The following SMARCB1 variants were observed in gnomAD, a reference collection of about 807,000 sequenced individuals.
The protein encoded by SMARCB1 is SWI/SNF related BAF chromatin remodeling complex subunit B1.
Under a neutral mutation model 49.0 loss-of-function variants are expected in SMARCB1, and 5 were observed. That is an observed-to-expected ratio of 0.10 (90% CI 0.05 to 0.21). The LOEUF is 0.21. SMARCB1 is among the 10% of genes least tolerant of loss of function. SMARCB1 has a pLI of 1.00. For missense variants in SMARCB1, 226 were observed against 509.2 expected, an observed-to-expected ratio of 0.44 and a Z score of 5.35; for synonymous variants, 201 against 200.1, an observed-to-expected ratio of 1.00 and a Z score of -0.04.
intron 5 of SMARCB1, among the ~76,000 whole-genome samples, chr22:23,813,750 T>C (rs8136993): frequency 0.13 from 19,043 of 152,066 alleles, 1,280 homozygotes; most frequent in South Asian, 0.28. Flanking sequence ...CCCAGCAAGA[T>C]TTTTTTTGTA....
intron 5 of SMARCB1, among the ~76,000 whole-genome samples, chr22:23,811,527 C>G (rs73881831): frequency 0.023 from 3,435 of 152,240 alleles, 94 homozygotes; most frequent in African/African-American, 0.063. Flanking sequence ...GAATTGAAAC[C>G]ATACAGAGTG....
intron 7 of SMARCB1, among the ~76,000 whole-genome samples, chr22:23,827,451 G>A (rs2030442130): frequency 6.6e-6 from 1 of 152,210 alleles, no homozygotes; most frequent in African/African-American, 2.4e-5. Flanking sequence ...CCCCTGGGGA[G>A]TCCCTGGTGG....
At chr22:23,825,006 G>A (rs1285632507) in intron 6 of SMARCB1, 4 of 602,028 alleles carry the variant, frequency 6.6e-6, no homozygotes, top group Non-Finnish European at 1.2e-5. Flanking sequence ...TCCCGAGGGT[G>A]ACTGTGCTGG....
chr22:23,837,476 T>G lies in SMARCB1; in HGVS notation c.*3296T>G. ...AGTAGATCCGTCCTGACGATGCAAA[T>G]TATGTGGGCCGGCTGGCTTGAGGGG... On this transcript the variant is annotated 3_prime_UTR_variant, in exon 9 of 9. Coordinates refer to ENST00000644036, the MANE Select transcript of SMARCB1 (RefSeq NM_003073.5). 1.4e-6 allele frequency: 1 copy of G among 692,564 alleles called. No homozygotes were observed. Among genetic ancestry groups the G allele is most frequent in the Non-Finnish European group, 2.4e-6 (1 of 418,140 alleles). The allele number at this position is 692,564 out of a possible 1,614,324, so 42.9% of individuals were successfully genotyped here. A position where few individuals can be genotyped will look rare whatever the true frequency, so the allele number is the denominator to read the frequency against.
chr22:23,787,004 T>TGCGGCGGCG lies in SMARCB1; in HGVS notation c.-157_-149dup, dbSNP rs1003107265. The TGCGGCGGCG allele has an allele frequency of 1.8e-5, 9 of 502,772 alleles. No individual in the cohort carries two copies. The highest frequency in any genetic ancestry group is 2.6e-5 in the South Asian group (1 of 37,886). 31.1% of individuals were successfully genotyped at this position (502,772 alleles called of 1,614,324 possible). On this transcript the variant is annotated 5_prime_UTR_variant, in exon 1 of 9. Coordinates refer to ENST00000644036, the MANE Select transcript of SMARCB1 (RefSeq NM_003073.5). ...CACTGAGGGCGGCCTGGTCGTCGTC[T>TGCGGCGGCG]GCGGCGGCGGCGGCGGCTGAGGAGC...
At chr22:23,812,325 A>C (rs1043258211) in intron 5 of SMARCB1, among the ~76,000 whole-genome samples, 1 of 152,178 alleles carries the variant, frequency 6.6e-6, no homozygotes, top group Non-Finnish European at 1.5e-5. Flanking sequence ...ATTTTAAAAA[A>C]GGAAAACAAT....
rs777812186 is a variant in SMARCB1 at position 23,837,833 on chromosome 22, G to A, written c.*3653G>A. 1.1e-5 allele frequency: 17 copies of A among 1,613,030 alleles called. No individual in the cohort carries two copies. Among genetic ancestry groups the A allele is most frequent in the Non-Finnish European group, 1.3e-5 (15 of 1,179,640 alleles). ...ATGAGGGCCTGGCCCAGGAAGAACA[G>A]GCTGCCCAGGAGTCCCAGCAGCTGG... On this transcript the variant is annotated 3_prime_UTR_variant, in exon 9 of 9. Transcript: ENST00000644036.
intron 3 of SMARCB1, among the ~76,000 whole-genome samples, chr22:23,797,635 T>TTTTTTTG (rs1928858501): frequency 7.9e-6 from 1 of 125,912 alleles, no homozygotes; most frequent in Non-Finnish European, 1.6e-5. Flanking sequence ...TTTTTTTTTT[T>TTTTTTTG]GAGATCGAGT....
At chr22:23,819,488 C>A (rs1162058242) in intron 6 of SMARCB1, among the ~76,000 whole-genome samples, 1 of 152,060 alleles carries the variant, frequency 6.6e-6, no homozygotes, top group African/African-American at 2.4e-5. Context: ...ACCACCATGC[C>A]CAGCTAATTT....
intron 2 of SMARCB1, chr22:23,792,172 A>C: frequency 2.2e-6 from 1 of 447,006 alleles, no homozygotes; most frequent in Non-Finnish European, 4.2e-6. Flanking sequence ...TTGGTCTCAA[A>C]ACGTTTTAGG....
chr22:23,787,385 G>A, intron 1 of SMARCB1, 123 bp downstream of exon 1: 1 of 477,840 alleles, frequency 2.1e-6, no homozygotes, highest in Non-Finnish European at 3.7e-6. Flanking sequence ...GCGCGCGCTC[G>A]GGGCTGTGGG....
At chr22:23,807,036 C>CTGGTGA in intron 5 of SMARCB1, among the ~76,000 whole-genome samples, 1 of 151,902 alleles carries the variant, frequency 6.6e-6, no homozygotes. Flanking sequence ...CTCTGAATCA[C>CTGGTGA]TGGTGATGTA....
Position 23,834,395 on chromosome 22 carries a change from CAGTCT to C in SMARCB1, c.*216_*220del. The C allele has an allele frequency of 2.8e-6, 2 of 703,238 alleles. No individual in the cohort carries two copies. Among genetic ancestry groups the C allele is most frequent in the South Asian group, 3.0e-5 (2 of 66,704 alleles). 43.6% of individuals were successfully genotyped at this position (703,238 alleles called of 1,614,324 possible). ...CCACCCCACCCTCCCTACCCCTCCC[CAGTCT>C]CTGGGGTCAGGAAGAAACCTTATTT... is the stretch of plus-strand genomic sequence containing the variant. On this transcript the variant is annotated 3_prime_UTR_variant, in exon 9 of 9. Transcript: ENST00000644036.
chr22:23,787,362 GGCGGGCGC>G, intron 1 of SMARCB1, 100 bp downstream of exon 1: 1 of 543,308 alleles, frequency 1.8e-6, no homozygotes, highest in South Asian at 2.6e-5. Context: ...CATCGGGGCG[GGCGGGCGC>G]GCGCGCGCGC....
intron 7 of SMARCB1, among the ~76,000 whole-genome samples, chr22:23,827,626 A>G (rs1601436725): frequency 6.6e-6 from 1 of 152,236 alleles, no homozygotes; most frequent in African/African-American, 2.4e-5. Flanking sequence ...GGCAAAGGCC[A>G]TCCCGCTGGG....
At chr22:23,830,634 TGTA>T (rs953080345) in intron 7 of SMARCB1, among the ~76,000 whole-genome samples, 17 of 150,894 alleles carry the variant, frequency 1.1e-4, no homozygotes, top group African/African-American at 4.1e-4. Context: ...TTCATTTTGA[TGTA>T]GTCCAATTTA....
At chr22:23,802,607 C>A (rs924746179) in intron 4 of SMARCB1, 8 of 162,960 alleles carry the variant, frequency 4.9e-5, no homozygotes, top group Admixed American at 4.5e-4. Flanking sequence ...TCTCTGTCTT[C>A]CATCTACCTC....
chr22:23,807,595 T>TA (rs3062485), intron 5 of SMARCB1, among the ~76,000 whole-genome samples: 88,970 of 147,854 alleles, frequency 0.6, 27,460 homozygotes, highest in Middle Eastern at 0.73. Context: ...TTTTTAAAGT[T>TA]AAAAAAAAAA....
chr22:23,816,288 G>A (rs1192732331), intron 5 of SMARCB1: 5 of 227,162 alleles, frequency 2.2e-5, no homozygotes, highest in Non-Finnish European at 3.5e-5. Flanking sequence ...AGGCCCTGCT[G>A]CTGCTACTGC....
Sources: gnomAD v4.1 joint callset for allele counts (sites outside exome capture counted in the v4.1 genomes callset) on GRCh38, gnomAD v4.1.1 for gene constraint, MANE v1.5 for transcripts, NCBI Gene and HGNC (gene_info 2026-07-23, HGNC 2026-07-21) for gene names.